DIP2C: variants seen among roughly 807,000 people sequenced by gnomAD.
DIP2C encodes DIP2 acetate--CoA ligase C (putative), also known as disco-interacting protein 2 homolog C.
Under a neutral mutation model 192.4 loss-of-function variants are expected in DIP2C, and 33 were observed. That is an observed-to-expected ratio of 0.17 (90% confidence interval 0.13 to 0.23). The LOEUF is 0.23. Ranked by LOEUF, DIP2C falls within the 10% of genes least tolerant of loss-of-function variation. The pLI, the probability that DIP2C is intolerant of heterozygous loss-of-function variation, is 1.00. For missense variants in DIP2C, 1,537 were observed against 2,110.1 expected, an observed-to-expected ratio of 0.73 and a Z score of 5.32; for synonymous variants, 979 against 864.1, an observed-to-expected ratio of 1.13 and a Z score of -2.33.
intron 4 of DIP2C, among the ~76,000 whole-genome samples, chr10:433,663 G>T (rs1270763589): frequency 6.6e-6 from 1 of 152,114 alleles, no homozygotes; most frequent in East Asian, 1.9e-4. Flanking sequence ...CCTGGGCCAA[G>T]GAGTAAGACT....
intron 24 of DIP2C, among the ~76,000 whole-genome samples, chr10:354,515 C>A (rs551364005): frequency 1.8e-3 from 275 of 152,256 alleles, no homozygotes; most frequent in Middle Eastern, 0.014. Flanking sequence ...CAAATCATGT[C>A]TGAATCTTTG....
At chr10:369,696 G>A (rs374050810) in intron 17 of DIP2C, 63 bp from the exon 18 acceptor site, 23 of 1,612,702 alleles carry the variant, frequency 1.4e-5, no homozygotes, top group Non-Finnish European at 1.9e-5. Context: ...TCACAGATGT[G>A]CAGTCAGCAC....
intron 18 of DIP2C, among the ~76,000 whole-genome samples, chr10:367,684 A>G (rs2132763877): frequency 6.6e-6 from 1 of 152,358 alleles, no homozygotes; most frequent in Non-Finnish European, 1.5e-5. Flanking sequence ...CAAAAGAGGG[A>G]AATTCACCAA....
rs1588384180 is a variant in DIP2C, at chr10:523,808, C to A, written c.86-37278G>T. Among the ~76,000 whole-genome samples the A allele has an allele frequency of 3.3e-5, 5 of 152,222 alleles. No homozygotes were observed. The East Asian group carries it at 9.6e-4, about 29-fold the overall frequency. On this transcript the variant is annotated intron_variant, in intron 1 of 36. Coordinates refer to ENST00000280886, the MANE Select transcript of DIP2C (RefSeq NM_014974.3). ...CGCAAAGGACCCTGGAGCGAGGATG[C>A]AGGGACTGCTCTGAGTTACCAGCAC...
At chr10:334,095 A>C (rs546727422) in intron 29 of DIP2C, among the ~76,000 whole-genome samples, 2 of 152,238 alleles carry the variant, frequency 1.3e-5, no homozygotes, top group South Asian at 2.1e-4. Context: ...ACTTGAGGTA[A>C]GGAGTTCAAG....
intron 1 of DIP2C, among the ~76,000 whole-genome samples, chr10:534,801 C>T (rs1349973023): frequency 1.3e-5 from 2 of 151,762 alleles, no homozygotes; most frequent in Non-Finnish European, 2.9e-5. Context: ...CTCAGCCTCC[C>T]GAGTAGCTGG....
intron 1 of DIP2C, among the ~76,000 whole-genome samples, chr10:505,080 A>G (rs1277450149): frequency 6.6e-6 from 1 of 152,166 alleles, no homozygotes; most frequent in African/African-American, 2.4e-5. Context: ...CCACACCCAT[A>G]TTACTGCAGC....
intron 29 of DIP2C, chr10:340,841 A>C (rs1958109588): frequency 4.3e-6 from 2 of 463,294 alleles, no homozygotes; most frequent in Non-Finnish European, 8.6e-6. Context: ...GGGAGGTGAC[A>C]GCCTGCAATG....
rs145772368 is a variant in DIP2C at position 374,888 on chromosome 10, C to T, written c.1992-5255G>A. 1.2e-3 allele frequency among the ~76,000 whole-genome samples: 181 copies of T among 152,210 alleles called. No individual in the cohort carries two copies. In the East Asian group the frequency reaches 0.014, roughly 12 times the overall value. On this transcript the variant is annotated intron_variant, in intron 17 of 36. Coordinates refer to ENST00000280886, the MANE Select transcript of DIP2C (RefSeq NM_014974.3). ...TTAAAAAATGGCTAATAAAGGTATC[C>T]GCCCATTCATCAACTTCCAAACTCA...
chr10:620,262 C>T (rs1358136263), intron 1 of DIP2C, among the ~76,000 whole-genome samples: 1 of 152,148 alleles, frequency 6.6e-6, no homozygotes. Flanking sequence ...CTTACAACTG[C>T]AGTGATACTT....
In DIP2C at chr10:431,648, A is replaced by C. The variant is rs1035596774; in HGVS notation, c.395-8615T>G. ...CGTTCAACTTTTGTATATTAAACTC[A>C]ATTCTTTTGGATCTTCTACATAGGC... On this transcript the variant is annotated intron_variant, in intron 4 of 36. Transcript: ENST00000280886. 2.6e-5 allele frequency among the ~76,000 whole-genome samples: 4 copies of C among 152,312 alleles called. No individual in the cohort carries two copies. The South Asian group carries it at 8.3e-4, about 32-fold the overall frequency.
intron 1 of DIP2C, among the ~76,000 whole-genome samples, chr10:498,518 T>C (rs1845013389): frequency 6.6e-6 from 1 of 152,216 alleles, no homozygotes; most frequent in Non-Finnish European, 1.5e-5. Flanking sequence ...CACAGCGCAG[T>C]CATGCTTCTT....
intron 1 of DIP2C, among the ~76,000 whole-genome samples, chr10:572,754 A>C (rs1229283458): frequency 6.6e-6 from 1 of 152,210 alleles, no homozygotes; most frequent in South Asian, 2.1e-4. Context: ...GTTTTCCTCC[A>C]AATGATCCAC....
chr10:422,907 G>C lies in DIP2C; in HGVS notation c.521C>G (p.Ser174Cys). The C allele has an allele frequency of 6.2e-7, 1 of 1,614,010 alleles. No individual in the cohort carries two copies. The highest frequency in any genetic ancestry group is 8.5e-7 in the Non-Finnish European group (1 of 1,180,040). ...ISQAIHGSTT[S>C]TTSSSSTQSG... ...CTGCGTAGAGGACGAGGAGGTGGTG[G>C]ACGTGGTGGAGCCGTGGATGGCCTG... The change falls in exon 5 of 37, where the codon TCC (serine) becomes TGC (cysteine). Residue 174 changes from serine to cysteine, a missense_variant. This residue lies in a region of DIP2C where 473 missense variants were observed against 539.6 expected (regional missense o/e 0.88). Transcript: ENST00000280886.
chr10:421,383 T>C (rs546946881), intron 5 of DIP2C, among the ~76,000 whole-genome samples: 5 of 152,324 alleles, frequency 3.3e-5, no homozygotes, highest in East Asian at 1.9e-4. Flanking sequence ...TTCCTTAAAA[T>C]TGAATAAAAT....
intron 1 of DIP2C, among the ~76,000 whole-genome samples, chr10:617,655 A>ACCCCCCCCCCCC (rs3049602): frequency 4.5e-5 from 6 of 132,326 alleles, no homozygotes; most frequent in African/African-American, 1.1e-4. Context: ...TGTGGATACC[A>ACCCCCCCCCCCC]CCCCCCCACC....
In DIP2C at chr10:327,194, G is replaced by T. The variant is rs1269499298; in HGVS notation, c.3754-18C>A. On this transcript the variant is annotated intron_variant, in intron 30 of 36. Transcript: ENST00000280886. The stretch of plus-strand genomic sequence containing the variant: ...CCTCGCGCCTGGAGATGATGACAGA[G>T]AAACCGAGTCAGCCCCCACGTGTCG... 6.2e-7 allele frequency: 1 copy of T among 1,609,900 alleles called. No individual in the cohort carries two copies. The highest frequency in any genetic ancestry group is 1.1e-5 in the South Asian group (1 of 90,788).
At chr10:437,252 GTCTC>G (rs748212732) in intron 4 of DIP2C, among the ~76,000 whole-genome samples, 4 of 99,568 alleles carry the variant, frequency 4.0e-5, no homozygotes, top group Non-Finnish European at 6.2e-5. Flanking sequence ...CACACCTGAG[GTCTC>G]TCTGAGCTCC....
At chr10:473,942 A>C (rs1970853792) in intron 2 of DIP2C, among the ~76,000 whole-genome samples, 1 of 152,194 alleles carries the variant, frequency 6.6e-6, no homozygotes, top group Non-Finnish European at 1.5e-5. Flanking sequence ...TGGCGAATTC[A>C]GAACTAAGTT....
Sources: allele counts gnomAD v4.1 joint callset (sites outside exome capture counted in the v4.1 genomes callset), GRCh38; gene constraint gnomAD v4.1.1; regional missense constraint gnomAD v4.1.1; transcripts MANE v1.5; gene names NCBI Gene and HGNC (gene_info 2026-07-23, HGNC 2026-07-21).